The following SNAPC4 variants were observed in gnomAD, a reference collection of about 807,000 sequenced individuals.
SNAPC4 encodes the protein small nuclear RNA activating complex polypeptide 4.
Under a neutral mutation model 151.3 loss-of-function variants are expected in SNAPC4, and 127 were observed. The observed-to-expected ratio is 0.84, with a 90% confidence interval of 0.73 to 0.97. The LOEUF (loss-of-function observed/expected upper bound fraction) is 0.97. Among genes scored for constraint, SNAPC4 ranks in the 50% least tolerant of loss-of-function variants. The pLI, the probability that SNAPC4 is intolerant of heterozygous loss-of-function variation, is 0.00. For missense variants in SNAPC4, 2,186 were observed against 1,935.0 expected (o/e 1.13, Z -2.43); for synonymous variants, 1,002 against 824.4 (o/e 1.22, Z -3.69).
intron 5 of SNAPC4, 63 bp from the exon 6 acceptor site, chr9:136,394,941 A>G: frequency 6.9e-7 from 1 of 1,458,172 alleles, no homozygotes; most frequent in South Asian, 1.2e-5. Flanking sequence ...GGCCCAGCAC[A>G]TCCCTCCAGA....
chr9:136,387,601 C>G, intron 12 of SNAPC4, 22 bp from the exon 13 acceptor site: 1 of 1,569,150 alleles, frequency 6.4e-7, no homozygotes. Context: ...GACAGGCAGA[C>G]AAGTGAAGCC....
intron 21 of SNAPC4, 25 bp downstream of exon 21, chr9:136,379,812 C>T (rs757745939): frequency 2.5e-6 from 4 of 1,609,772 alleles, no homozygotes; most frequent in African/African-American, 1.3e-5. Context: ...GTCTCTTCCC[C>T]ACCAGGGCAG....
intron 10 of SNAPC4, among the ~76,000 whole-genome samples, chr9:136,389,298 GCT>G (rs1833991520): frequency 6.6e-6 from 1 of 152,220 alleles, no homozygotes. Context: ...GGCTAGATAT[GCT>G]CTGAGGTTTG....
At chr9:136,376,161 C>T (rs1833437302) in intron 23 of SNAPC4, among the ~76,000 whole-genome samples, 188 bp downstream of exon 23, 1 of 152,190 alleles carries the variant, frequency 6.6e-6, no homozygotes, top group African/African-American at 2.4e-5. Context: ...GCATGGGTGG[C>T]CAGCAGGAAG....
At chr9:136,386,959 C>T (rs555773954) in intron 13 of SNAPC4, among the ~76,000 whole-genome samples, 9 of 151,888 alleles carry the variant, frequency 5.9e-5, no homozygotes, top group Admixed American at 2.6e-4. Context: ...TTCGTAGAGA[C>T]GGGGTTTTGA....
In SNAPC4 at chr9:136,378,056, C is replaced by A. The variant is rs373199576; in HGVS notation, c.3771G>T (p.Pro1257=). 3 of 1,576,658 alleles carry A rather than the reference C, an allele frequency of 1.9e-6. No individual in the cohort carries two copies. Among genetic ancestry groups the A allele is most frequent in the South Asian group, 1.1e-5 (1 of 87,568 alleles). The change falls in exon 22 of 24, where the codon CCG becomes CCT. Residue 1257 remains proline, a synonymous_variant. Coordinates refer to ENST00000684778, the MANE Select transcript of SNAPC4 (RefSeq NM_003086.4). ...PEKGALDLEK[P]PLPQPGPEKG... ...TCTCAGGCCCAGGCTGGGGTAGGGG[C>A]GGCTTCTCCAGGTCCAGGGCCCCCT...
Position 136,378,094 on chromosome 9 carries a change from G to T in SNAPC4, c.3733C>A (p.Pro1245Thr), listed in dbSNP as rs756721973. 4 of 1,588,084 alleles carry T rather than the reference G, an allele frequency of 2.5e-6. No individual in the cohort carries two copies. In the Admixed American group the frequency reaches 7.1e-5, roughly 28 times the overall value. Residue 1245 changes from proline to threonine, a missense_variant, in exon 22 of 24, where the codon CCT becomes ACT. Physicochemically the swap from Pro to Thr is conservative, Grantham distance 38. Transcript: ENST00000684778. ...LGLEKLPLRQ[P>T]GPEKGALDLE... ...TCCAGGGCCCCCTTCTCAGGCCCAG[G>T]CTGGCGCAGGGGCAGCTTCTCCAGG...
In SNAPC4 at chr9:136,395,199, C is replaced by T. The variant is rs1834221593; in HGVS notation, c.471+99G>A. ...GGAGGTTGGCCAATGTTATCTTGAA[C>T]TCACAGGAATTCACGACTCCCTGCA... On this transcript the variant is annotated intron_variant, in intron 5 of 23. Coordinates refer to ENST00000684778, the MANE Select transcript of SNAPC4 (RefSeq NM_003086.4). 82 of 1,450,232 alleles carry T rather than the reference C, an allele frequency of 5.7e-5. 1 individual carries two copies. The South Asian group carries it at 1.0e-3, about 19-fold the overall frequency. 89.8% of individuals were successfully genotyped at this position (1,450,232 alleles called of 1,614,324 possible). A position where few individuals can be genotyped will look rare whatever the true frequency, so the allele number is the denominator to read the frequency against.
intron 7 of SNAPC4, among the ~76,000 whole-genome samples, chr9:136,393,387 C>G (rs1432989191): frequency 1.3e-5 from 2 of 152,256 alleles, no homozygotes; most frequent in Non-Finnish European, 2.9e-5. Flanking sequence ...CCACAGAAGA[C>G]AGATGGGGAC....
intron 2 of SNAPC4, among the ~76,000 whole-genome samples, chr9:136,397,842 G>T (rs544269571): frequency 1.3e-5 from 2 of 152,080 alleles, no homozygotes; most frequent in African/African-American, 4.8e-5. Context: ...ATCTGGTGAG[G>T]TTCAGGCCTG....
chr9:136,382,436 C>T (rs1450839841), intron 16 of SNAPC4, 100 bp from the exon 17 acceptor site: 18 of 1,012,250 alleles, frequency 1.8e-5, no homozygotes, highest in African/African-American at 3.2e-5. Flanking sequence ...CACCCAGGCT[C>T]CAAAGCGTGG....
rs1034377941 is a variant in SNAPC4 at position 136,380,332 on chromosome 9, T to A, written c.2499+408A>T. On this transcript the variant is annotated intron_variant, in intron 20 of 23. Coordinates refer to ENST00000684778, the MANE Select transcript of SNAPC4 (RefSeq NM_003086.4). ...GGCTGGAAGCACAGAGGCCCAGGGG[T>A]ACCCCACTGCTGTTCCTGCTCCTCC... 3.0e-4 allele frequency among the ~76,000 whole-genome samples: 46 copies of A among 151,810 alleles called. No homozygotes were observed. The East Asian group carries it at 5.0e-3, about 17-fold the overall frequency.
chr9:136,385,563 TTTTG>T (rs1013946873), intron 13 of SNAPC4, among the ~76,000 whole-genome samples: 2 of 109,662 alleles, frequency 1.8e-5, no homozygotes, highest in African/African-American at 3.0e-5. Flanking sequence ...CTCCCCCCCC[TTTTG>T]TTTTTTTTGA....
At chr9:136,382,473 G>A (rs1166861910) in intron 16 of SNAPC4, 137 bp from the exon 17 acceptor site, 4 of 743,006 alleles carry the variant, frequency 5.4e-6, no homozygotes, top group Admixed American at 2.2e-5. Flanking sequence ...TCTGCCTCAT[G>A]GGAACGTCCA....
Position 136,383,914 on chromosome 9 carries a change from A to C in SNAPC4, c.1500+39T>G. 6.7e-7 allele frequency: 1 copy of C among 1,488,106 alleles called. No homozygotes were observed. The highest frequency in any genetic ancestry group is 9.3e-7 in the Non-Finnish European group (1 of 1,079,958). 92.2% of individuals were successfully genotyped at this position (1,488,106 alleles called of 1,614,324 possible). A position where few individuals can be genotyped will look rare whatever the true frequency, so the allele number is the denominator to read the frequency against. On this transcript the variant is annotated intron_variant, in intron 15 of 23. Coordinates refer to ENST00000684778, the MANE Select transcript of SNAPC4 (RefSeq NM_003086.4). This position sits in a 1 kb window ranked among gnomAD's most constrained non-coding sequence, Gnocchi z 4.2. ...GCTGGACCCCCCAGTTGACCAGGCC[A>C]TTGTCTGGTTTCAGATAAAGAAGGA...
In SNAPC4 at chr9:136,383,206, C is replaced by T. The variant is rs905206210; in HGVS notation, c.1963G>A (p.Ala655Thr). 1.4e-5 allele frequency: 21 copies of T among 1,546,212 alleles called. No homozygotes were observed. The highest frequency in any genetic ancestry group is 4.5e-5 in the East Asian group (2 of 44,264). The change falls in exon 16 of 24, where the codon GCA (alanine) becomes ACA (threonine). Residue 655 changes from alanine to threonine, a missense_variant. Ala to Thr is a moderately conservative substitution (Grantham distance 58). Transcript: ENST00000684778. The surrounding 1 kb of genome is among the most constrained non-coding windows in gnomAD (Gnocchi z 4.2). The part of the protein sequence containing the change: ...SHSADTRPAG[A>T]EKQALEGGRR... Reference sequence around the variant, plus strand: ...CCTACCTCCAGGGCCTGCTTCTCTGCGCCCGCCGGGCGAGTGTCTGCTGAG... The same window carrying T: ...CCTACCTCCAGGGCCTGCTTCTCTGTGCCCGCCGGGCGAGTGTCTGCTGAG...
chr9:136,395,499 G>C, intron 4 of SNAPC4, 76 bp from the exon 5 acceptor site: 1 of 1,576,100 alleles, frequency 6.3e-7, no homozygotes, highest in Non-Finnish European at 8.6e-7. Flanking sequence ...ACCCGGGGCA[G>C]AGGAGAGGCA....
chr9:136,383,222 G>C lies in SNAPC4; in HGVS notation c.1947C>G (p.Asp649Glu). 6.4e-7 allele frequency: 1 copy of C among 1,567,350 alleles called. No individual in the cohort carries two copies. The highest frequency in any genetic ancestry group is 8.6e-7 in the Non-Finnish European group (1 of 1,158,654). ...GCTTCTCTGCGCCCGCCGGGCGAGT[G>C]TCTGCTGAGTGGGAGGCCTGGGCAG... is the stretch of plus-strand genomic sequence containing the variant. ...PRSAQASHSA[D>E]TRPAGAEKQA... The change falls in exon 16 of 24, where the codon GAC (aspartate) becomes GAG (glutamate). Residue 649 changes from aspartate (D) to glutamate (E), a missense_variant. By Grantham distance (45) the Asp-to-Glu change is conservative (BLOSUM62 2). Transcript: ENST00000684778. This position sits in a 1 kb window ranked among gnomAD's most constrained non-coding sequence, Gnocchi z 4.2.
At chr9:136,394,212 C>G in intron 7 of SNAPC4, 37 bp downstream of exon 7, 1 of 1,549,114 alleles carries the variant, frequency 6.5e-7, no homozygotes, top group African/African-American at 1.4e-5. Context: ...CTATGCCCAG[C>G]CTGAAGACCG....
Sources: gnomAD v4.1 joint callset for allele counts (sites outside exome capture counted in the v4.1 genomes callset) on GRCh38, gnomAD v4.1.1 for gene constraint, Gnocchi (gnomAD v3.1) non-coding constraint, MANE v1.5 for transcripts, NCBI Gene and HGNC (gene_info 2026-07-23, HGNC 2026-07-21) for gene names.